The following ALDH4A1 variants were observed in gnomAD, a reference collection of about 807,000 sequenced individuals.
ALDH4A1 encodes aldehyde dehydrogenase 4 family member A1, also known as delta-1-pyrroline-5-carboxylate dehydrogenase, mitochondrial.
ALDH4A1 carries 46 observed loss-of-function variants against 70.5 expected under a neutral mutation model. That is an observed-to-expected ratio of 0.65 (90% CI 0.51 to 0.83). The LOEUF is 0.83. Ranked by LOEUF, ALDH4A1 falls within the 40% of genes least tolerant of loss-of-function variation. The pLI is 0.00. For missense variants in ALDH4A1, 749 were observed against 766.5 expected (o/e 0.98, Z 0.27); for synonymous variants, 323 against 324.3 (o/e 1.00, Z 0.04).
chr1:18,883,557 G>T, intron 5 of ALDH4A1, 129 bp from the exon 6 acceptor site: 1 of 1,320,446 alleles, frequency 7.6e-7, no homozygotes, highest in Non-Finnish European at 1.1e-6. Flanking sequence ...CATTTGGAGG[G>T]CTCACCAGGT....
chr1:18,890,403 G>A (rs1330317790), intron 1 of ALDH4A1, among the ~76,000 whole-genome samples: 1 of 152,226 alleles, frequency 6.6e-6, no homozygotes. Flanking sequence ...ACGTTAGCCA[G>A]GTGTGGTGGC....
At chr1:18,888,786 G>A (rs1217935770) in intron 3 of ALDH4A1, among the ~76,000 whole-genome samples, 4 of 152,234 alleles carry the variant, frequency 2.6e-5, no homozygotes, top group Non-Finnish European at 5.9e-5. Context: ...CCTGCCCCAG[G>A]CTGTCCTGGG....
intron 3 of ALDH4A1, among the ~76,000 whole-genome samples, chr1:18,887,426 T>C (rs543724859): frequency 0.094 from 14,256 of 152,120 alleles, 854 homozygotes; most frequent in Non-Finnish European, 0.13. Flanking sequence ...GGTGAAACCC[T>C]CTCTCTACTA....
In ALDH4A1 at chr1:18,881,905, C is replaced by T; in HGVS notation, c.679-18G>A. ...ACGTTGCCCTGCCCGGGAGGTGTTT[C>T]AGTGATGCATGAGGATGGCGCCACC... On this transcript the variant is annotated intron_variant, in intron 7 of 14. Transcript: ENST00000375341. The T allele has an allele frequency of 6.2e-7, 1 of 1,611,034 alleles. No homozygotes were observed. Among genetic ancestry groups the T allele is most frequent in the Non-Finnish European group, 8.5e-7 (1 of 1,179,420 alleles).
intron 4 of ALDH4A1, 80 bp downstream of exon 4, chr1:18,886,384 C>G: frequency 1.3e-6 from 2 of 1,514,808 alleles, no homozygotes; most frequent in Non-Finnish European, 1.8e-6. Context: ...GCCCCCTGCC[C>G]CCGCCATATC....
rs766924247 is a variant in ALDH4A1 at position 18,879,310 on chromosome 1, G to A, written c.930C>T (p.Arg310=). ...QNLDRFHTFP[R]LAGECGGKNF... ...TGAGGCAGGCCTTACCTCCAGCCAG[G>A]CGTGGGAAGGTGTGGAACCGGTCCA... The change falls in exon 9 of 15, where the codon CGC becomes CGT. Residue 310 remains arginine, a synonymous_variant. Coordinates refer to ENST00000375341, the MANE Select transcript of ALDH4A1 (RefSeq NM_003748.4). The A allele has an allele frequency of 1.2e-6, 2 of 1,609,424 alleles. No individual in the cohort carries two copies. Among genetic ancestry groups the A allele is most frequent in the Non-Finnish European group, 1.7e-6 (2 of 1,178,032 alleles).
At chr1:18,882,845 T>A (rs1028786188) in intron 7 of ALDH4A1, among the ~76,000 whole-genome samples, 2 of 152,184 alleles carry the variant, frequency 1.3e-5, no homozygotes, top group Non-Finnish European at 2.9e-5. Flanking sequence ...CACAACCCAG[T>A]CATGGAGGCT....
Position 18,881,772 on chromosome 1 carries a change from T to G in ALDH4A1, c.794A>C (p.Asp265Ala). Residue 265 changes from aspartate to alanine, a missense_variant, in exon 8 of 15, where the codon GAT (aspartate) becomes GCT (alanine). By Grantham distance (126) the Asp-to-Ala change is moderately radical. Transcript: ENST00000375341. Reference sequence around the variant, plus strand: ...GACAGTGTCCCCAAATAGGGGCCCATCAGCTGGCACAAACTGGATGATGTT... The same window carrying G: ...GACAGTGTCCCCAAATAGGGGCCCAGCAGCTGGCACAAACTGGATGATGTT... ...PPNIIQFVPA[D>A]GPLFGDTVTS... The G allele has an allele frequency of 2.5e-6, 4 of 1,614,060 alleles. No individual in the cohort carries two copies. The highest frequency in any genetic ancestry group is 3.4e-6 in the Non-Finnish European group (4 of 1,180,030).
chr1:18,878,717 G>T (rs1014524773), intron 9 of ALDH4A1, among the ~76,000 whole-genome samples: 9 of 152,172 alleles, frequency 5.9e-5, no homozygotes, highest in African/African-American at 2.2e-4. Context: ...AGCATTCAAG[G>T]CTCTGAGAAG....
intron 1 of ALDH4A1, chr1:18,890,653 G>A (rs936915665): frequency 3.1e-6 from 3 of 982,704 alleles, no homozygotes; most frequent in Non-Finnish European, 3.6e-6. Context: ...TGTGAACGTG[G>A]TTCTACGTCT....
In ALDH4A1 at chr1:18,880,059, C is replaced by T. The variant is rs918376952; in HGVS notation, c.867-686G>A. On this transcript the variant is annotated intron_variant, in intron 8 of 14. Transcript: ENST00000375341. The surrounding 1 kb of genome is among the most constrained non-coding windows in gnomAD (Gnocchi z 5.1). The stretch of plus-strand genomic sequence containing the variant: ...AGAGCGTGGAGAATGGGGTCCAGGC[C>T]CGCTCCGCCCGCTGATAGGCGGGGA... Among the ~76,000 whole-genome samples, 1 of 152,208 alleles carries T rather than the reference C, an allele frequency of 6.6e-6. No individual in the cohort carries two copies. Among genetic ancestry groups the T allele is most frequent in the Non-Finnish European group, 1.5e-5 (1 of 68,024 alleles).
At chr1:18,893,580 G>A (rs1935517587) in intron 1 of ALDH4A1, among the ~76,000 whole-genome samples, 1 of 151,986 alleles carries the variant, frequency 6.6e-6, no homozygotes. Context: ...TCAGCTCACT[G>A]CAACCTCCGC....
In ALDH4A1 at chr1:18,876,361, G is replaced by A; in HGVS notation, c.1292C>T (p.Pro431Leu). The A allele has an allele frequency of 6.2e-7, 1 of 1,613,936 alleles. No homozygotes were observed. The highest frequency in any genetic ancestry group is 8.5e-7 in the Non-Finnish European group (1 of 1,179,980). The change falls in exon 12 of 15, where the codon CCC becomes CTC. Residue 431 changes from proline (P) to leucine (L), a missense_variant. Physicochemically the swap from Pro to Leu is moderately conservative, Grantham distance 98. Transcript: ENST00000375341. ...CDDSVGYFVEPCIVESKDPQE... is the reference protein window; with the variant it reads ...CDDSVGYFVELCIVESKDPQE... ...AGGGTCCTTGCTCTCCACGATGCAG[G>A]GCTCCACAAAGTAGCCCACGGAGTC...
In ALDH4A1 at chr1:18,885,709, G is replaced by A. The variant is rs950948120; in HGVS notation, c.298-81C>T. The A allele has an allele frequency of 3.2e-6, 5 of 1,583,336 alleles. No individual in the cohort carries two copies. In the African/African-American group the frequency reaches 4.0e-5, roughly 13 times the overall value. On this transcript the variant is annotated intron_variant, in intron 4 of 14. Transcript: ENST00000375341. ...GAGTGAGCGAGGGAGGAGAGACCTG[G>A]GAGGCCACTCTCTTCCATCCGGGGA...
chr1:18,900,359 C>T (rs1165609854), intron 1 of ALDH4A1, among the ~76,000 whole-genome samples: 1 of 152,182 alleles, frequency 6.6e-6, no homozygotes, highest in Non-Finnish European at 1.5e-5. Flanking sequence ...CATGGCATGT[C>T]ACGGGTGTGC....
At chr1:18,891,269 T>A (rs1935421126) in intron 1 of ALDH4A1, among the ~76,000 whole-genome samples, 1 of 152,192 alleles carries the variant, frequency 6.6e-6, no homozygotes, top group African/African-American at 2.4e-5. Flanking sequence ...CACTTGAAAT[T>A]GACAAACTTC....
intron 5 of ALDH4A1, among the ~76,000 whole-genome samples, chr1:18,884,464 C>T (rs1166520363): frequency 6.6e-6 from 1 of 152,062 alleles, no homozygotes; most frequent in Non-Finnish European, 1.5e-5. Flanking sequence ...GGTGAAATAA[C>T]CCTTTCTCCC....
intron 1 of ALDH4A1, chr1:18,900,970 AT>A: frequency 2.1e-6 from 2 of 947,918 alleles, no homozygotes; most frequent in Non-Finnish European, 2.5e-6. Context: ...TCTACTAGAT[AT>A]TGGAGGGTTT....
Position 18,898,986 on chromosome 1 carries a change from T to G in ALDH4A1, c.62+3476A>C, listed in dbSNP as rs1405076552. On this transcript the variant is annotated intron_variant, in intron 1 of 14. Coordinates refer to ENST00000375341, the MANE Select transcript of ALDH4A1 (RefSeq NM_003748.4). This position sits in a 1 kb window ranked among gnomAD's most constrained non-coding sequence, Gnocchi z 4.3. The stretch of plus-strand genomic sequence containing the variant: ...AAACCACTGATCACATCACCGCTAA[T>G]CCTTGCAGCCACCTGCTACGTGGCT... 6.6e-6 allele frequency among the ~76,000 whole-genome samples: 1 copy of G among 152,238 alleles called. No homozygotes were observed. Among genetic ancestry groups the G allele is most frequent in the African/African-American group, 2.4e-5 (1 of 41,472 alleles).
Sources: gnomAD v4.1 joint callset for allele counts (sites outside exome capture counted in the v4.1 genomes callset) on GRCh38, gnomAD v4.1.1 for gene constraint, Gnocchi (gnomAD v3.1) non-coding constraint, MANE v1.5 for transcripts, NCBI Gene and HGNC (gene_info 2026-07-23, HGNC 2026-07-21) for gene names.